The following NPTX1 variants were observed in gnomAD, a reference collection of about 807,000 sequenced individuals.
NPTX1 encodes the protein neuronal pentraxin-1.
Under a neutral mutation model 38.7 loss-of-function variants are expected in NPTX1, and 12 were observed. The observed-to-expected ratio is 0.31, with a 90% CI of 0.20 to 0.50. NPTX1 has a LOEUF of 0.50. NPTX1 is among the 20% of genes least tolerant of loss of function. The pLI is 0.98. For synonymous variants in NPTX1, 272 were observed against 264.9 expected, an observed-to-expected ratio of 1.03 and a Z score of -0.26; for missense variants, 454 against 592.2, an observed-to-expected ratio of 0.77 and a Z score of 2.42.
rs2083873324 is a variant in NPTX1, at chr17:80,475,407, T to C, written c.652+104A>G. 1 of 861,484 alleles carries C rather than the reference T, an allele frequency of 1.2e-6. No homozygotes were observed. The highest frequency in any genetic ancestry group is 1.8e-6 in the Non-Finnish European group (1 of 571,190). 53.4% of individuals were successfully genotyped at this position (861,484 alleles called of 1,614,324 possible). On this transcript the variant is annotated intron_variant, in intron 2 of 4. Coordinates refer to ENST00000306773, the MANE Select transcript of NPTX1 (RefSeq NM_002522.4). The surrounding 1 kb of genome is among the most constrained non-coding windows in gnomAD (Gnocchi z 6.5). ...CAGGGGTTGGGGGTAGCGGAGCGGC[T>C]TGAGGCTTGCACAGTGCAGAGCTGG...
intron 3 of NPTX1, 136 bp downstream of exon 3, chr17:80,473,064 T>G: frequency 1.4e-5 from 10 of 739,482 alleles, no homozygotes; most frequent in Middle Eastern, 4.4e-4. Context: ...TCCCCCTCCC[T>G]CAGTCCCACC....
rs2083872342 is a variant in NPTX1, at chr17:80,475,277, T to C, written c.652+234A>G. ...GGATGGGGGAGGGGGCACTATGCAA[T>C]CCCCTTTCCCAGAGACAGCCCCAGC... On this transcript the variant is annotated intron_variant, in intron 2 of 4. Transcript: ENST00000306773. This position sits in a 1 kb window ranked among gnomAD's most constrained non-coding sequence, Gnocchi z 6.5. 6.6e-6 allele frequency among the ~76,000 whole-genome samples: 1 copy of C among 151,762 alleles called. No individual in the cohort carries two copies. The highest frequency in any genetic ancestry group is 2.4e-5 in the African/African-American group (1 of 41,244).
rs1477536085 is a variant in NPTX1, at chr17:80,473,184, C to A, written c.897+16G>T. 1 of 1,609,674 alleles carries A rather than the reference C, an allele frequency of 6.2e-7. No individual in the cohort carries two copies. The highest frequency in any genetic ancestry group is 1.3e-5 in the African/African-American group (1 of 75,042). ...GGCCTCGCCCTGCCGCCCTGTGAGC[C>A]CGGGGGCTGCTCTACCTTGTCATTG... On this transcript the variant is annotated intron_variant, in intron 3 of 4. Coordinates refer to ENST00000306773, the MANE Select transcript of NPTX1 (RefSeq NM_002522.4).
At chr17:80,473,681 A>G in intron 2 of NPTX1, 2 of 543,926 alleles carry the variant, frequency 3.7e-6, no homozygotes, top group Non-Finnish European at 6.6e-6. Flanking sequence ...TGTCACGCCC[A>G]TGTGCTGGCA....
Position 80,470,933 on chromosome 17 carries a change from G to A in NPTX1, c.1179C>T (p.Asn393=). Residue 393 remains asparagine, a synonymous_variant, in exon 5 of 5, where the codon AAC becomes AAT. Coordinates refer to ENST00000306773, the MANE Select transcript of NPTX1 (RefSeq NM_002522.4). ...DRKLTPGEVY[N]LATCSTKALS... is the part of the protein sequence containing the mutation. ...GAGCCTTGGTGCTGCAGGTGGCCAG[G>A]TTGTACACCTCCCCGGGGGTCAGCT... The A allele has an allele frequency of 1.2e-6, 2 of 1,613,838 alleles. No homozygotes were observed. The highest frequency in any genetic ancestry group is 8.5e-7 in the Non-Finnish European group (1 of 1,179,784).
In NPTX1 at chr17:80,473,184, C is replaced by G; in HGVS notation, c.897+16G>C. ...GGCCTCGCCCTGCCGCCCTGTGAGC[C>G]CGGGGGCTGCTCTACCTTGTCATTG... is the stretch of plus-strand genomic sequence containing the variant. On this transcript the variant is annotated intron_variant, in intron 3 of 4. Coordinates refer to ENST00000306773, the MANE Select transcript of NPTX1 (RefSeq NM_002522.4). 4 of 1,609,674 alleles carry G rather than the reference C, an allele frequency of 2.5e-6. No homozygotes were observed. The highest frequency in any genetic ancestry group is 3.4e-6 in the Non-Finnish European group (4 of 1,178,862).
Position 80,475,740 on chromosome 17 carries a change from GA to G in NPTX1, c.445-23del. The G allele has an allele frequency of 6.4e-7, 1 of 1,570,112 alleles. No homozygotes were observed. The highest frequency in any genetic ancestry group is 1.3e-5 in the African/African-American group (1 of 74,334). On this transcript the variant is annotated intron_variant, in intron 1 of 4. Coordinates refer to ENST00000306773, the MANE Select transcript of NPTX1 (RefSeq NM_002522.4). The surrounding 1 kb of genome is among the most constrained non-coding windows in gnomAD (Gnocchi z 6.5). ...ACTGCTGCGGGGTGCAAGGGCGGGG[GA>G]AACCACACCGTTAGGCGAGGCGCGG...
Position 80,468,507 on chromosome 17 carries a change from C to T in NPTX1, c.*2306G>A, listed in dbSNP as rs923225680. On this transcript the variant is annotated 3_prime_UTR_variant, in exon 5 of 5. Transcript: ENST00000306773. ...AGCACCCCACACAGCCCGCACCGGG[C>T]GTTGCCTACACAAGGGCTCCGAGAT... 3 of 152,260 alleles carry T rather than the reference C, an allele frequency of 2.0e-5. No individual in the cohort carries two copies. The highest frequency in any genetic ancestry group is 7.2e-5 in the African/African-American group (3 of 41,444). The allele number at this position is 152,260 out of a possible 1,614,324, so 9.4% of individuals were successfully genotyped here.
At position 80,470,010 on chromosome 17, in the gene NPTX1, G is replaced by A. The variant is rs1387102163; in HGVS notation, c.*803C>T. 6.6e-6 allele frequency: 1 copy of A among 152,404 alleles called. No homozygotes were observed. Among genetic ancestry groups the A allele is most frequent in the African/African-American group, 2.4e-5 (1 of 41,458 alleles). 9.4% of individuals were successfully genotyped at this position (152,404 alleles called of 1,614,324 possible). On this transcript the variant is annotated 3_prime_UTR_variant, in exon 5 of 5. Coordinates refer to ENST00000306773, the MANE Select transcript of NPTX1 (RefSeq NM_002522.4). ...TCGAGGGCAGGGCCGTCCTGGGGCA[G>A]AGCTAGCTGAGCTGGGCACACAGGC...
chr17:80,475,413 C>G lies in NPTX1; in HGVS notation c.652+98G>C. ...TTGGGGGTAGCGGAGCGGCTTGAGG[C>G]TTGCACAGTGCAGAGCTGGGCTGTT... On this transcript the variant is annotated intron_variant, in intron 2 of 4. Coordinates refer to ENST00000306773, the MANE Select transcript of NPTX1 (RefSeq NM_002522.4). The surrounding 1 kb of genome is among the most constrained non-coding windows in gnomAD (Gnocchi z 6.5). The G allele has an allele frequency of 1.1e-6, 1 of 923,100 alleles. No homozygotes were observed. The highest frequency in any genetic ancestry group is 2.7e-5 in the East Asian group (1 of 36,546). 57.2% of individuals were successfully genotyped at this position (923,100 alleles called of 1,614,324 possible).
chr17:80,475,458 G>A lies in NPTX1; in HGVS notation c.652+53C>T, dbSNP rs4996915. 6.8e-7 allele frequency: 1 copy of A among 1,465,418 alleles called. No homozygotes were observed. Among genetic ancestry groups the A allele is most frequent in the Non-Finnish European group, 9.4e-7 (1 of 1,067,524 alleles). The allele number at this position is 1,465,418 out of a possible 1,614,324, so 90.8% of individuals were successfully genotyped here. On this transcript the variant is annotated intron_variant, in intron 2 of 4. Coordinates refer to ENST00000306773, the MANE Select transcript of NPTX1 (RefSeq NM_002522.4). This position sits in a 1 kb window ranked among gnomAD's most constrained non-coding sequence, Gnocchi z 6.5. ...GCTGTTAGGGATCGGGACCGAGGCA[G>A]GGTCGGGCAAGCAGGTGCAGGCAGG...
chr17:80,473,603 TG>T, intron 2 of NPTX1, 159 bp from the exon 3 acceptor site: 1 of 705,800 alleles, frequency 1.4e-6, no homozygotes. Context: ...TCAAGTACTT[TG>T]CCCCAAGGCA....
chr17:80,471,144 A>C, intron 4 of NPTX1, 110 bp from the exon 5 acceptor site: 1 of 816,428 alleles, frequency 1.2e-6, no homozygotes, highest in East Asian at 2.7e-5. Context: ...ACGGACTCTC[A>C]CGGACACTCC....
rs142184847 is a variant in NPTX1 at position 80,471,810 on chromosome 17, C to A, written c.999G>T (p.Thr333=). ...CCAAGTTCTCGCCACTGCCACCCTGCGTGCCATCCTGGTAGGCCTCCCAGA... is the reference window on the plus strand; with the variant it reads ...CCAAGTTCTCGCCACTGCCACCCTGAGTGCCATCCTGGTAGGCCTCCCAGA... ...DGVWEAYQDG[T]QGGSGENLAP... is the part of the protein sequence containing the mutation. Residue 333 remains threonine (T), a synonymous_variant, in exon 4 of 5, where the codon ACG becomes ACT. Coordinates refer to ENST00000306773, the MANE Select transcript of NPTX1 (RefSeq NM_002522.4). 4.3e-6 allele frequency: 7 copies of A among 1,613,556 alleles called. No homozygotes were observed. Among genetic ancestry groups the A allele is most frequent in the Non-Finnish European group, 5.9e-6 (7 of 1,180,034 alleles).
Position 80,475,809 on chromosome 17 carries a change from C to T in NPTX1, c.445-91G>A. The stretch of plus-strand genomic sequence containing the variant: ...CCGCGGCGCGGTCCCCTCTGGGCGA[C>T]TGCGGGGGCGGCCTGGCAGGGAGCT... On this transcript the variant is annotated intron_variant, in intron 1 of 4. Coordinates refer to ENST00000306773, the MANE Select transcript of NPTX1 (RefSeq NM_002522.4). This position sits in a 1 kb window ranked among gnomAD's most constrained non-coding sequence, Gnocchi z 6.5. 2 of 1,075,590 alleles carry T rather than the reference C, an allele frequency of 1.9e-6. No individual in the cohort carries two copies. Among genetic ancestry groups the T allele is most frequent in the Non-Finnish European group, 2.6e-6 (2 of 757,932 alleles). 66.6% of individuals were successfully genotyped at this position (1,075,590 alleles called of 1,614,324 possible).
intron 3 of NPTX1, 61 bp from the exon 4 acceptor site, chr17:80,471,972 A>G (rs2143041014): frequency 6.9e-7 from 1 of 1,439,328 alleles, no homozygotes; most frequent in East Asian, 2.5e-5. Flanking sequence ...AGAAGCCATA[A>G]TCTTCACTGC....
chr17:80,469,707 T>G lies in NPTX1; in HGVS notation c.*1106A>C, dbSNP rs4889852. 0.77 allele frequency: 116,565 copies of G among 152,188 alleles called. 44,947 individuals are homozygous for G. Among genetic ancestry groups the G allele is most frequent in the African/African-American group, 0.83 (34,488 of 41,546 alleles). The allele number at this position is 152,188 out of a possible 1,614,324, so 9.4% of individuals were successfully genotyped here. A position where few individuals can be genotyped will look rare whatever the true frequency, so the allele number is the denominator to read the frequency against. ...GCTGGGAGGGATATGGCTGTCAAAG[T>G]CCCCCAAAAAGGACCTTCCCACCGA... On this transcript the variant is annotated 3_prime_UTR_variant, in exon 5 of 5. Coordinates refer to ENST00000306773, the MANE Select transcript of NPTX1 (RefSeq NM_002522.4).
Position 80,473,172 on chromosome 17 carries a change from C to T in NPTX1, c.897+28G>A, listed in dbSNP as rs754289827. 38 of 1,605,356 alleles carry T rather than the reference C, an allele frequency of 2.4e-5. No homozygotes were observed. The Admixed American group carries it at 4.7e-4, about 20-fold the overall frequency. ...CTGGGGCCCTGGGGCCTCGCCCTGC[C>T]GCCCTGTGAGCCCGGGGGCTGCTCT... On this transcript the variant is annotated intron_variant, in intron 3 of 4. Transcript: ENST00000306773.
Position 80,471,013 on chromosome 17 carries a change from C to G in NPTX1, c.1099G>C (p.Asp367His). 6.2e-7 allele frequency: 1 copy of G among 1,608,246 alleles called. No individual in the cohort carries two copies. The part of the protein sequence containing the change: ...QEQDTLGGGF[D>H]ATQAFVGELA... ...TCACCCACAAATGCCTGGGTGGCAT[C>G]AAACCCACCACCCAGAGTGTCCTTC... The change falls in exon 5 of 5, where the codon GAT becomes CAT. Residue 367 changes from aspartate (D) to histidine (H), a missense_variant. Physicochemically the swap from Asp to His is moderately conservative, Grantham distance 81 (BLOSUM62 -1). This residue lies in a region of NPTX1 where 110 missense variants were observed against 197.5 expected (regional missense o/e 0.56). Transcript: ENST00000306773.
Sources: gnomAD v4.1 joint callset for allele counts (sites outside exome capture counted in the v4.1 genomes callset) on GRCh38, gnomAD v4.1.1 for gene constraint, gnomAD v4.1.1 regional missense constraint, Gnocchi (gnomAD v3.1) non-coding constraint, MANE v1.5 for transcripts, NCBI Gene and HGNC (gene_info 2026-07-23, HGNC 2026-07-21) for gene names.